The following ZNF804B variants were observed in gnomAD, a reference collection of about 807,000 sequenced individuals.
The protein encoded by ZNF804B is zinc finger protein 804B, also known as zinc finger 804B.
ZNF804B carries 80 observed loss-of-function variants against 101.4 expected under a neutral mutation model. That is an observed-to-expected ratio of 0.79 (90% CI 0.66 to 0.95). ZNF804B has a LOEUF of 0.95. Ranked by LOEUF, ZNF804B falls within the 40% of genes least tolerant of loss-of-function variation. The probability of loss-of-function intolerance (pLI) is 0.00; values close to 1 mark genes in which losing one functional copy is unlikely to be tolerated. For synonymous variants in ZNF804B, 622 were observed against 558.8 expected (o/e 1.11, Z -1.59); for missense variants, 1,673 against 1,561.9 (o/e 1.07, Z -1.20).
intron 2 of ZNF804B, among the ~76,000 whole-genome samples, chr7:89,303,032 G>T (rs1790506211): frequency 6.6e-6 from 1 of 151,886 alleles, no homozygotes; most frequent in South Asian, 2.1e-4. Flanking sequence ...ATCCTGGGCT[G>T]GGAATTACTA....
intron 1 of ZNF804B, among the ~76,000 whole-genome samples, chr7:88,813,812 A>C (rs1013794354): frequency 6.6e-6 from 1 of 152,218 alleles, no homozygotes; most frequent in Non-Finnish European, 1.5e-5. Flanking sequence ...TATCCATTAA[A>C]GATGCTACAT....
chr7:88,921,723 G>T (rs1441684271), intron 1 of ZNF804B, among the ~76,000 whole-genome samples: 7 of 152,024 alleles, frequency 4.6e-5, no homozygotes, highest in African/African-American at 1.2e-4. Context: ...AGTGTCCCCA[G>T]TAATAGGTAG....
At chr7:88,770,488 CAT>C (rs1464660783) in intron 1 of ZNF804B, among the ~76,000 whole-genome samples, 1 of 152,164 alleles carries the variant, frequency 6.6e-6, no homozygotes, top group Non-Finnish European at 1.5e-5. Flanking sequence ...GCCTTACTAA[CAT>C]GTTGATTTGT....
intron 1 of ZNF804B, among the ~76,000 whole-genome samples, chr7:89,176,584 TTTC>T (rs1280134741): frequency 6.9e-5 from 8 of 116,218 alleles, no homozygotes; most frequent in Non-Finnish European, 1.4e-4. Flanking sequence ...TCTTTCTTTC[TTTC>T]TTTCTTTTTT....
intron 1 of ZNF804B, among the ~76,000 whole-genome samples, chr7:88,976,280 G>A (rs534871813): frequency 6.6e-6 from 1 of 151,516 alleles, no homozygotes; most frequent in African/African-American, 2.4e-5. Flanking sequence ...TTCTATTTCT[G>A]TGAAGAATGT....
chr7:88,908,959 A>G (rs1359776487), intron 1 of ZNF804B, among the ~76,000 whole-genome samples: 2 of 151,824 alleles, frequency 1.3e-5, no homozygotes, highest in Admixed American at 1.3e-4. Context: ...ATTGAGATAT[A>G]TACCACTGCA....
chr7:89,136,615 T>C (rs1562893980), intron 1 of ZNF804B, among the ~76,000 whole-genome samples: 1 of 152,106 alleles, frequency 6.6e-6, no homozygotes, highest in Non-Finnish European at 1.5e-5. Context: ...ATTCTACAAA[T>C]CATACAATCA....
At chr7:89,280,632 T>G (rs919846173) in intron 2 of ZNF804B, among the ~76,000 whole-genome samples, 1 of 152,164 alleles carries the variant, frequency 6.6e-6, no homozygotes. Context: ...AACACCTCTA[T>G]GCAAATAAAC....
At chr7:89,250,237 G>A (rs967898792) in intron 2 of ZNF804B, among the ~76,000 whole-genome samples, 1 of 151,564 alleles carries the variant, frequency 6.6e-6, no homozygotes, top group African/African-American at 2.4e-5. Context: ...AAGCACAATC[G>A]GAAATGACAA....
chr7:88,876,441 C>A (rs1791939968), intron 1 of ZNF804B, among the ~76,000 whole-genome samples: 1 of 152,088 alleles, frequency 6.6e-6, no homozygotes, highest in Non-Finnish European at 1.5e-5. Flanking sequence ...AATGCTTATT[C>A]CAGCATCTAT....
chr7:89,209,769 A>G (rs1788774830), intron 1 of ZNF804B, among the ~76,000 whole-genome samples: 1 of 152,126 alleles, frequency 6.6e-6, no homozygotes, highest in African/African-American at 2.4e-5. Context: ...TATTAATTTC[A>G]CTTTTCAATA....
intron 1 of ZNF804B, among the ~76,000 whole-genome samples, chr7:88,933,878 C>T (rs1792926926): frequency 6.6e-6 from 1 of 151,368 alleles, no homozygotes; most frequent in Admixed American, 6.6e-5. Context: ...CATCAAAATA[C>T]CATCATCATT....
intron 1 of ZNF804B, among the ~76,000 whole-genome samples, chr7:89,014,730 T>C (rs1011531574): frequency 1.3e-5 from 2 of 152,244 alleles, no homozygotes; most frequent in Non-Finnish European, 2.9e-5. Context: ...AGATGTTTGA[T>C]ATCCTTGTAT....
chr7:89,041,380 G>A (rs6942704), intron 1 of ZNF804B, among the ~76,000 whole-genome samples: 70,146 of 151,958 alleles, frequency 0.46, 16,831 homozygotes, highest in Non-Finnish European at 0.52. Context: ...TAGATCCTGG[G>A]CCCACAGTGG....
chr7:89,194,326 A>G (rs1160882462), intron 1 of ZNF804B, among the ~76,000 whole-genome samples: 1 of 151,374 alleles, frequency 6.6e-6, no homozygotes, highest in South Asian at 2.1e-4. Context: ...ATTAGATCCC[A>G]TTTGTCAATT....
intron 1 of ZNF804B, among the ~76,000 whole-genome samples, chr7:89,083,112 A>G (rs769302946): frequency 6.6e-6 from 1 of 151,802 alleles, no homozygotes; most frequent in Non-Finnish European, 1.5e-5. Context: ...GCCTCTTGAA[A>G]TAAAGATCCC....
chr7:88,855,823 G>A (rs1368932764), intron 1 of ZNF804B, among the ~76,000 whole-genome samples: 3 of 152,108 alleles, frequency 2.0e-5, no homozygotes, highest in African/African-American at 4.8e-5. Flanking sequence ...TTCTGCATAT[G>A]GCTAGCCAGT....
intron 1 of ZNF804B, among the ~76,000 whole-genome samples, chr7:89,176,765 C>T (rs1306690460): frequency 3.3e-5 from 5 of 151,464 alleles, no homozygotes; most frequent in Non-Finnish European, 7.4e-5. Flanking sequence ...GTTATATGAT[C>T]CCAAGTTTTT....
chr7:89,148,462 A>G lies in ZNF804B; in HGVS notation c.109-69693A>G, dbSNP rs192927475. 1.6e-3 allele frequency among the ~76,000 whole-genome samples: 250 copies of G among 152,224 alleles called. 1 individual carries two copies. The highest frequency in any genetic ancestry group is 5.5e-3 in the African/African-American group (227 of 41,556). ...GGCAAGGCATTCATTCTCTTGGAAA[A>G]TTCCATGTCATTCTATTTGCATTTT... On this transcript the variant is annotated intron_variant, in intron 1 of 3. Transcript: ENST00000333190.
Sources: allele counts gnomAD v4.1 joint callset (sites outside exome capture counted in the v4.1 genomes callset), GRCh38; gene constraint gnomAD v4.1.1; transcripts MANE v1.5; gene names NCBI Gene and HGNC (gene_info 2026-07-23, HGNC 2026-07-21).